SPAG16: variants seen among roughly 807,000 people sequenced by gnomAD.
SPAG16 encodes sperm-associated antigen 16 protein.
Under a neutral mutation model 80.4 loss-of-function variants are expected in SPAG16, and 86 were observed. That is an observed-to-expected ratio of 1.07 (90% CI 0.90 to 1.28). SPAG16 has a LOEUF of 1.28. Ranked by LOEUF, SPAG16 falls within the 50% of genes most tolerant of loss-of-function variation. The probability of loss-of-function intolerance (pLI) is 0.00; values close to 1 mark genes in which losing one functional copy is unlikely to be tolerated. For missense variants in SPAG16, 870 were observed against 765.3 expected (o/e 1.14, Z -1.61); for synonymous variants, 294 against 265.9 (o/e 1.11, Z -1.03).
chr2:213,591,397 T>C (rs952765828), intron 10 of SPAG16, among the ~76,000 whole-genome samples: 1 of 152,166 alleles, frequency 6.6e-6, no homozygotes, highest in African/African-American at 2.4e-5. Flanking sequence ...TAATATTTTA[T>C]CAATGTATTC....
At chr2:213,883,495 G>A (rs370067708) in intron 11 of SPAG16, among the ~76,000 whole-genome samples, 3 of 152,076 alleles carry the variant, frequency 2.0e-5, no homozygotes, top group Non-Finnish European at 4.4e-5. Flanking sequence ...GTGGTTGTTC[G>A]GTAGAATGTT....
rs1269218435 is a variant in SPAG16 at position 213,859,685 on chromosome 2, G to GT, written c.1071-2798dup. ...AAAGCCAAGCCATCCTGGGTTCAAA[G>GT]TTGGCTTCCGTTCACTACCAAATGT... is the stretch of plus-strand genomic sequence containing the variant. On this transcript the variant is annotated intron_variant, in intron 10 of 15. Transcript: ENST00000331683. Among the ~76,000 whole-genome samples the GT allele has an allele frequency of 3.3e-5, 5 of 152,310 alleles. No individual in the cohort carries two copies. The East Asian group carries it at 9.6e-4, about 29-fold the overall frequency.
chr2:213,990,335 C>A (rs760365003), intron 12 of SPAG16, among the ~76,000 whole-genome samples: 1 of 151,950 alleles, frequency 6.6e-6, no homozygotes, highest in South Asian at 2.1e-4. Flanking sequence ...CACTTTTTTG[C>A]AATACACGTG....
chr2:214,025,473 A>G (rs989103395), intron 13 of SPAG16, among the ~76,000 whole-genome samples: 1 of 151,680 alleles, frequency 6.6e-6, no homozygotes, highest in African/African-American at 2.4e-5. Context: ...TAAAACTTCA[A>G]TAGTGATGGC....
At chr2:214,093,093 T>C (rs1315277721) in intron 13 of SPAG16, among the ~76,000 whole-genome samples, 2 of 152,050 alleles carry the variant, frequency 1.3e-5, no homozygotes, top group Non-Finnish European at 2.9e-5. Flanking sequence ...CAAACTTTTA[T>C]TTGGCCCCTC....
intron 10 of SPAG16, among the ~76,000 whole-genome samples, chr2:213,761,406 C>T (rs944838342): frequency 1.3e-5 from 2 of 151,936 alleles, no homozygotes; most frequent in African/African-American, 2.4e-5. Flanking sequence ...AATAAAAATT[C>T]GACCAGAGAT....
intron 15 of SPAG16, among the ~76,000 whole-genome samples, chr2:214,318,550 T>A (rs1184254885): frequency 6.6e-6 from 1 of 151,772 alleles, no homozygotes; most frequent in Non-Finnish European, 1.5e-5. Context: ...CCTGGCTAGT[T>A]TTTTGTAGAG....
At chr2:213,987,765 A>C (rs2046084435) in intron 12 of SPAG16, among the ~76,000 whole-genome samples, 1 of 150,044 alleles carries the variant, frequency 6.7e-6, no homozygotes. Context: ...AATAAATGGC[A>C]TAAAAGCAAT....
chr2:213,578,503 T>C (rs2060200985), intron 10 of SPAG16, among the ~76,000 whole-genome samples: 1 of 152,152 alleles, frequency 6.6e-6, no homozygotes. Flanking sequence ...TATTAGAGAT[T>C]ATTAAATGAT....
chr2:214,237,386 C>G (rs1689151833), intron 15 of SPAG16, among the ~76,000 whole-genome samples: 1 of 151,656 alleles, frequency 6.6e-6, no homozygotes, highest in Non-Finnish European at 1.5e-5. Context: ...AAGATAATTA[C>G]CATACATGTA....
At chr2:213,763,608 T>C (rs1048159649) in intron 10 of SPAG16, among the ~76,000 whole-genome samples, 1 of 152,142 alleles carries the variant, frequency 6.6e-6, no homozygotes, top group Admixed American at 6.5e-5. Context: ...AATGTGCATA[T>C]AGTTAACAAT....
intron 10 of SPAG16, among the ~76,000 whole-genome samples, chr2:213,847,800 A>G (rs1243735168): frequency 6.6e-6 from 1 of 152,068 alleles, no homozygotes; most frequent in Non-Finnish European, 1.5e-5. Context: ...TCTCCTTGTT[A>G]CTCTTGCAGT....
intron 12 of SPAG16, among the ~76,000 whole-genome samples, chr2:214,004,153 G>T (rs867673982): frequency 6.6e-6 from 1 of 152,184 alleles, no homozygotes; most frequent in African/African-American, 2.4e-5. Context: ...TACTGTCAAA[G>T]ATCAACAAAG....
chr2:214,258,431 G>A (rs562974829), intron 15 of SPAG16, among the ~76,000 whole-genome samples: 27 of 148,904 alleles, frequency 1.8e-4, no homozygotes, highest in Admixed American at 1.4e-3. Context: ...CTTTTTTATG[G>A]CTGAGTAGTA....
chr2:213,501,304 T>C (rs2074733278), intron 10 of SPAG16, among the ~76,000 whole-genome samples: 1 of 152,242 alleles, frequency 6.6e-6, no homozygotes, highest in African/African-American at 2.4e-5. Flanking sequence ...TCATTTTCCT[T>C]GCTTTAGTAA....
intron 15 of SPAG16, among the ~76,000 whole-genome samples, chr2:214,356,019 T>G (rs1698771216): frequency 2.9e-5 from 3 of 103,250 alleles, no homozygotes; most frequent in East Asian, 3.2e-4. Context: ...CTGGGGACTG[T>G]TGTGGGGTGG....
chr2:214,112,276 A>ATG (rs1399580384), intron 14 of SPAG16, among the ~76,000 whole-genome samples: 1 of 152,144 alleles, frequency 6.6e-6, no homozygotes. Flanking sequence ...GCTGAGAGGA[A>ATG]TGTATATTCT....
At chr2:213,971,064 T>C (rs914382227) in intron 12 of SPAG16, among the ~76,000 whole-genome samples, 6 of 152,198 alleles carry the variant, frequency 3.9e-5, no homozygotes, top group Non-Finnish European at 7.4e-5. Context: ...TTAAATGTAA[T>C]CAACCAATAA....
intron 15 of SPAG16, among the ~76,000 whole-genome samples, chr2:214,297,034 T>C (rs1694182938): frequency 6.6e-6 from 1 of 152,224 alleles, no homozygotes; most frequent in African/African-American, 2.4e-5. Flanking sequence ...GCCAGCACTA[T>C]GGTTCATGTA....
Sources: gnomAD v4.1 joint callset for allele counts (sites outside exome capture counted in the v4.1 genomes callset) on GRCh38, gnomAD v4.1.1 for gene constraint, MANE v1.5 for transcripts, NCBI Gene and HGNC (gene_info 2026-07-23, HGNC 2026-07-21) for gene names.